The following DNAI1 variants were observed in gnomAD, a reference collection of about 807,000 sequenced individuals.
DNAI1 encodes dynein, axonemal, intermediate polypeptide 1.
Under a neutral mutation model 92.0 loss-of-function variants are expected in DNAI1, and 67 were observed. The observed-to-expected ratio is 0.73, with a 90% CI of 0.60 to 0.89. The LOEUF is 0.89. Among genes scored for constraint, DNAI1 ranks in the 40% least tolerant of loss-of-function variants. The probability of loss-of-function intolerance (pLI) is 0.00; values close to 1 mark genes in which losing one functional copy is unlikely to be tolerated. For missense variants in DNAI1, 839 were observed against 866.6 expected, an observed-to-expected ratio of 0.97 and a Z score of 0.40; for synonymous variants, 323 against 319.6, an observed-to-expected ratio of 1.01 and a Z score of -0.11.
At chr9:34,500,440 T>A (rs749071014) in intron 10 of DNAI1, among the ~76,000 whole-genome samples, 1 of 152,214 alleles carries the variant, frequency 6.6e-6, no homozygotes, top group Non-Finnish European at 1.5e-5. Flanking sequence ...TTTATCCATG[T>A]AGACATGGCC....
At chr9:34,464,699 T>G (rs1824005914) in intron 1 of DNAI1, among the ~76,000 whole-genome samples, 1 of 152,244 alleles carries the variant, frequency 6.6e-6, no homozygotes, top group Admixed American at 6.5e-5. Context: ...GAGCAGGGCC[T>G]GTGGATGTTT....
chr9:34,495,713 GC>G (rs1222882874), intron 9 of DNAI1, among the ~76,000 whole-genome samples: 2 of 152,168 alleles, frequency 1.3e-5, no homozygotes, highest in Non-Finnish European at 2.9e-5. Context: ...ACAGAGTTGG[GC>G]CCATAGGTAG....
chr9:34,517,137 C>G (rs1825183678), intron 18 of DNAI1, 148 bp from the exon 19 acceptor site: 3 of 807,716 alleles, frequency 3.7e-6, no homozygotes, highest in Non-Finnish European at 6.0e-6. Context: ...CACAGAGACA[C>G]AAAATTCCCC....
intron 13 of DNAI1, among the ~76,000 whole-genome samples, chr9:34,507,092 T>C (rs1472962791): frequency 1.3e-5 from 2 of 152,100 alleles, no homozygotes; most frequent in African/African-American, 4.8e-5. Context: ...CTCCAGAGCT[T>C]CCCTCAGGAG....
chr9:34,504,378 C>T (rs1166578579), intron 12 of DNAI1, among the ~76,000 whole-genome samples: 1 of 152,160 alleles, frequency 6.6e-6, no homozygotes, highest in Non-Finnish European at 1.5e-5. Context: ...ATTCATCCAC[C>T]TCATTTCTTC....
intron 1 of DNAI1, among the ~76,000 whole-genome samples, chr9:34,466,035 A>G (rs1824032497): frequency 6.6e-6 from 1 of 152,204 alleles, no homozygotes; most frequent in Non-Finnish European, 1.5e-5. Flanking sequence ...GAACCAACTC[A>G]ATCTTGGTTC....
At chr9:34,493,109 A>G (rs1422657022) in intron 8 of DNAI1, 85 bp from the exon 9 acceptor site, 7 of 1,593,968 alleles carry the variant, frequency 4.4e-6, no homozygotes, top group Admixed American at 3.3e-5. Context: ...AACATGACCA[A>G]TTCCTTAAGT....
chr9:34,507,882 A>G (rs992955757), intron 13 of DNAI1, among the ~76,000 whole-genome samples: 7 of 152,132 alleles, frequency 4.6e-5, no homozygotes, highest in Non-Finnish European at 8.8e-5. Context: ...TCTGACACCA[A>G]CCTGGAACCA....
At chr9:34,460,142 G>T (rs1405329869) in intron 1 of DNAI1, among the ~76,000 whole-genome samples, 1 of 152,138 alleles carries the variant, frequency 6.6e-6, no homozygotes, top group African/African-American at 2.4e-5. Flanking sequence ...CAGGAAACCC[G>T]AGTCATCCCC....
chr9:34,508,126 C>T (rs1399513318), intron 13 of DNAI1, among the ~76,000 whole-genome samples: 1 of 152,218 alleles, frequency 6.6e-6, no homozygotes, highest in Non-Finnish European at 1.5e-5. Context: ...TCTCTGGGCT[C>T]ATCAGACAGC....
At chr9:34,468,753 G>T (rs1394158476) in intron 1 of DNAI1, among the ~76,000 whole-genome samples, 1 of 151,694 alleles carries the variant, frequency 6.6e-6, no homozygotes, top group Non-Finnish European at 1.5e-5. Context: ...TTGAACCCAG[G>T]AGATCAAGGC....
rs1201858999 is a variant in DNAI1, at chr9:34,484,461, GT to G, written c.82-677del. On this transcript the variant is annotated intron_variant, in intron 2 of 19. Transcript: ENST00000242317. ...ACAGCCCCATGAATGCTGGATATTC[GT>G]TTTGGTTGTTTTATAGTTTGCCAAT... Among the ~76,000 whole-genome samples, 10 of 152,186 alleles carry G rather than the reference GT, an allele frequency of 6.6e-5. No homozygotes were observed. The East Asian group carries it at 1.9e-3, about 29-fold the overall frequency.
chr9:34,511,254 G>C (rs777732248), intron 13 of DNAI1, among the ~76,000 whole-genome samples: 1 of 152,204 alleles, frequency 6.6e-6, no homozygotes, highest in African/African-American at 2.4e-5. Context: ...AGTCTCAAGC[G>C]TGTCATCTTC....
At position 34,471,292 on chromosome 9, in the gene DNAI1, G is replaced by A. The variant is rs1027497397; in HGVS notation, c.49-12156G>A. On this transcript the variant is annotated intron_variant, in intron 1 of 19. Coordinates refer to ENST00000242317, the MANE Select transcript of DNAI1 (RefSeq NM_012144.4). Reference sequence around the variant, plus strand: ...AAAAAAAAATTAGCTGGGTGTGGTGGCATTTGACTGTAGTCCCAGCTACTT... The same window carrying A: ...AAAAAAAAATTAGCTGGGTGTGGTGACATTTGACTGTAGTCCCAGCTACTT... Among the ~76,000 whole-genome samples the A allele has an allele frequency of 3.3e-5, 5 of 151,704 alleles. No individual in the cohort carries two copies. In the East Asian group the frequency reaches 9.7e-4, roughly 29 times the overall value.
chr9:34,491,223 C>G (rs1404790203), intron 7 of DNAI1: 4 of 538,468 alleles, frequency 7.4e-6, no homozygotes. Flanking sequence ...TCATCCCCCA[C>G]TTAGACTGTA....
In DNAI1 at chr9:34,493,524, C is replaced by A. The variant is rs528329818; in HGVS notation, c.816+196C>A. On this transcript the variant is annotated intron_variant, in intron 9 of 19. Transcript: ENST00000242317. Reference sequence around the variant, plus strand: ...CTGCCTCTAGCATTCCATACCTCCCCCCAGTAAGATAGATCTGGAGGCTAG... The same window carrying A: ...CTGCCTCTAGCATTCCATACCTCCCACCAGTAAGATAGATCTGGAGGCTAG... 2.6e-5 allele frequency among the ~76,000 whole-genome samples: 4 copies of A among 152,254 alleles called. No individual in the cohort carries two copies. The South Asian group carries it at 8.3e-4, about 32-fold the overall frequency.
intron 1 of DNAI1, among the ~76,000 whole-genome samples, chr9:34,467,407 G>A (rs1824057506): frequency 6.7e-6 from 1 of 149,654 alleles, no homozygotes; most frequent in South Asian, 2.1e-4. Context: ...AGACCAGCCT[G>A]GACAACACAG....
chr9:34,484,281 C>T (rs1824430535), intron 2 of DNAI1, among the ~76,000 whole-genome samples: 1 of 152,162 alleles, frequency 6.6e-6, no homozygotes, highest in Non-Finnish European at 1.5e-5. Context: ...AATCCTCTAA[C>T]ATCAGTACAC....
chr9:34,464,098 A>G (rs1823995635), intron 1 of DNAI1, among the ~76,000 whole-genome samples: 1 of 152,054 alleles, frequency 6.6e-6, no homozygotes, highest in Admixed American at 6.6e-5. Flanking sequence ...ACTTTTTTTC[A>G]TATACACTGC....
Sources: gnomAD v4.1 joint callset for allele counts (sites outside exome capture counted in the v4.1 genomes callset) on GRCh38, gnomAD v4.1.1 for gene constraint, MANE v1.5 for transcripts, NCBI Gene and HGNC (gene_info 2026-07-23, HGNC 2026-07-21) for gene names.